OPRM1: variants seen among roughly 807,000 people sequenced by gnomAD.
OPRM1 encodes opioid receptor mu 1, also known as mu-type opioid receptor.
Under a neutral mutation model 31.8 loss-of-function variants are expected in OPRM1, and 27 were observed. The ratio of observed to expected loss-of-function variants is 0.85; its 90% CI spans 0.63 to 1.17. OPRM1 has a LOEUF of 1.17. Ranked by LOEUF, OPRM1 falls within the 50% of genes most tolerant of loss-of-function variation. The pLI is 0.00. For synonymous variants in OPRM1, 196 were observed against 189.9 expected (o/e 1.03, Z -0.26); for missense variants, 536 against 511.1 (o/e 1.05, Z -0.47).
At chr6:154,163,276 T>G (rs1422140423) in intron 3 of OPRM1, among the ~76,000 whole-genome samples, 1 of 152,204 alleles carries the variant, frequency 6.6e-6, no homozygotes, top group Non-Finnish European at 1.5e-5. Context: ...TGCTCTTCCT[T>G]AAATGCCCTA....
rs1008234498 is a variant in OPRM1 at position 154,120,844 on chromosome 6, CTT to C, written c.*2127_*2128del. ...TGTCTTCAAGTAGGACCTGATCTAT[CTT>C]TTTCCACAAATGTCATGTGTGTGAA... is the stretch of plus-strand genomic sequence containing the variant. On this transcript the variant is annotated 3_prime_UTR_variant, in exon 4 of 4. Transcript: ENST00000330432. Among the ~76,000 whole-genome samples the C allele has an allele frequency of 6.6e-6, 1 of 152,142 alleles. No individual in the cohort carries two copies. The highest frequency in any genetic ancestry group is 2.4e-5 in the African/African-American group (1 of 41,444).
intron 3 of OPRM1, among the ~76,000 whole-genome samples, chr6:154,209,729 C>T (rs1305679180): frequency 6.6e-6 from 1 of 151,614 alleles, no homozygotes; most frequent in Non-Finnish European, 1.5e-5. Context: ...AACCAAGTGC[C>T]TTCCATGTCT....
chr6:154,055,393 A>G (rs1426315934), intron 1 of OPRM1, among the ~76,000 whole-genome samples: 1 of 151,268 alleles, frequency 6.6e-6, no homozygotes, highest in Non-Finnish European at 1.5e-5. Flanking sequence ...GTCTGAAAAA[A>G]TTAATGAATA....
intron 3 of OPRM1, chr6:154,157,697 A>G (rs978908961): frequency 6.6e-6 from 1 of 152,254 alleles, no homozygotes; most frequent in African/African-American, 2.4e-5. Flanking sequence ...GTTGCAAACC[A>G]AAGAAAAATA....
intron 1 of OPRM1, among the ~76,000 whole-genome samples, chr6:154,026,871 TG>T (rs1778726544): frequency 6.6e-6 from 1 of 152,240 alleles, no homozygotes; most frequent in Non-Finnish European, 1.5e-5. Context: ...ACATTGAATT[TG>T]CTTCAGTTTC....
rs139557812 is a variant in OPRM1 at position 154,023,668 on chromosome 6, G to A, written c.-1+12650G>A. Among the ~76,000 whole-genome samples, 8 of 152,208 alleles carry A rather than the reference G, an allele frequency of 5.3e-5. No individual in the cohort carries two copies. In the East Asian group the frequency reaches 1.5e-3, roughly 29 times the overall value. On this transcript the variant is annotated intron_variant, in intron 1 of 5. Transcript: ENST00000434900. ...CTTTCAGTTTTTCCCCATTTGGTAT[G>A]ATAATAACTGGGGGTTTGTCATATA... is the stretch of plus-strand genomic sequence containing the variant.
At chr6:154,148,973 A>AT (rs1798426174) in intron 3 of OPRM1, among the ~76,000 whole-genome samples, 1 of 152,116 alleles carries the variant, frequency 6.6e-6, no homozygotes, top group Non-Finnish European at 1.5e-5. Context: ...CCTGTATACA[A>AT]TTTTTCTTAA....
intron 3 of OPRM1, among the ~76,000 whole-genome samples, chr6:154,209,247 T>C (rs1232342785): frequency 1.3e-5 from 2 of 152,196 alleles, no homozygotes; most frequent in Non-Finnish European, 2.9e-5. Context: ...CAAAATAAAA[T>C]TTTAACCAAA....
At chr6:154,092,174 G>A (rs17174850) in intron 3 of OPRM1, among the ~76,000 whole-genome samples, 1 of 149,052 alleles carries the variant, frequency 6.7e-6, no homozygotes, top group East Asian at 2.0e-4. Flanking sequence ...GCTTTTGGAA[G>A]GTGTATTTCT....
chr6:154,172,726 G>C (rs1019010010), intron 3 of OPRM1, among the ~76,000 whole-genome samples: 1 of 152,246 alleles, frequency 6.6e-6, no homozygotes, highest in African/African-American at 2.4e-5. Context: ...ACCTCTGGGG[G>C]CAGGGCATAT....
At chr6:154,164,146 A>C (rs1051917976) in intron 3 of OPRM1, among the ~76,000 whole-genome samples, 3 of 152,218 alleles carry the variant, frequency 2.0e-5, no homozygotes, top group East Asian at 1.9e-4. Context: ...CTTCAAAGGA[A>C]GATCCTAATT....
chr6:154,019,981 A>C (rs1778265241), intron 1 of OPRM1, among the ~76,000 whole-genome samples: 1 of 151,822 alleles, frequency 6.6e-6, no homozygotes. Flanking sequence ...TGATCCATCC[A>C]CGTTGGCCTC....
chr6:154,110,616 C>T (rs554808901), intron 3 of OPRM1, among the ~76,000 whole-genome samples: 3 of 152,118 alleles, frequency 2.0e-5, no homozygotes, highest in South Asian at 4.2e-4. Context: ...TGGCCGGGCA[C>T]GGTGGCTCAA....
intron 3 of OPRM1, chr6:154,108,210 G>T: frequency 2.3e-6 from 1 of 438,004 alleles, no homozygotes; most frequent in South Asian, 7.7e-5. Flanking sequence ...ATAAAACATA[G>T]GCATTAGCTA....
chr6:154,159,788 C>A, intron 3 of OPRM1: 2 of 1,485,528 alleles, frequency 1.3e-6, no homozygotes, highest in Non-Finnish European at 1.9e-6. Context: ...TGAAGAGTTG[C>A]TTGTGATAAA....
At chr6:154,175,594 C>G (rs1800253404) in intron 3 of OPRM1, among the ~76,000 whole-genome samples, 1 of 152,090 alleles carries the variant, frequency 6.6e-6, no homozygotes, top group Non-Finnish European at 1.5e-5. Flanking sequence ...AATTCATGGA[C>G]ACATACACCC....
intron 1 of OPRM1, among the ~76,000 whole-genome samples, chr6:154,070,869 T>C (rs1460192334): frequency 6.6e-6 from 1 of 152,234 alleles, no homozygotes; most frequent in Non-Finnish European, 1.5e-5. Flanking sequence ...AACTTTGCTC[T>C]TAAGATGAGT....
intron 1 of OPRM1, among the ~76,000 whole-genome samples, chr6:154,054,198 T>C (rs1255936661): frequency 6.6e-6 from 1 of 151,508 alleles, no homozygotes; most frequent in East Asian, 1.9e-4. Context: ...TGAAACCCCG[T>C]CTCTACTAAA....
At chr6:154,185,867 T>C (rs1377726091) in intron 3 of OPRM1, among the ~76,000 whole-genome samples, 1 of 152,242 alleles carries the variant, frequency 6.6e-6, no homozygotes, top group Admixed American at 6.5e-5. Context: ...GAGCCACAAG[T>C]TGGATAAGCT....
Sources: allele counts gnomAD v4.1 joint callset (sites outside exome capture counted in the v4.1 genomes callset), GRCh38; gene constraint gnomAD v4.1.1; transcripts MANE v1.5; gene names NCBI Gene and HGNC (gene_info 2026-07-23, HGNC 2026-07-21).